RELN: variants seen among roughly 807,000 people sequenced by gnomAD.
RELN encodes reelin.
Under a neutral mutation model 427.6 loss-of-function variants are expected in RELN, and 108 were observed. That is an observed-to-expected ratio of 0.25 (90% CI 0.22 to 0.30). The LOEUF (loss-of-function observed/expected upper bound fraction) is 0.30, where lower values mean the gene tolerates loss of function less well. RELN is among the 10% of genes least tolerant of loss of function. RELN has a pLI of 1.00. For synonymous variants in RELN, 1,524 were observed against 1,513.4 expected, an observed-to-expected ratio of 1.01 and a Z score of -0.16; for missense variants, 3,715 against 4,302.8, an observed-to-expected ratio of 0.86 and a Z score of 3.82.
rs1338247113 is a variant in RELN, at chr7:103,661,359, T to G, written c.1441+17A>C. The G allele has an allele frequency of 6.2e-7, 1 of 1,613,460 alleles. No homozygotes were observed. Among genetic ancestry groups the G allele is most frequent in the Non-Finnish European group, 8.5e-7 (1 of 1,179,600 alleles). ...GATTTGCCCCACGGTGAACAAAGTT[T>G]GTGAAAATGTACTTACCCATCACAA... On this transcript the variant is annotated intron_variant, in intron 12 of 64. Transcript: ENST00000428762.
intron 4 of RELN, among the ~76,000 whole-genome samples, chr7:103,775,502 A>G (rs1301710566): frequency 3.3e-5 from 5 of 152,122 alleles, no homozygotes; most frequent in Non-Finnish European, 5.9e-5. Flanking sequence ...AACCGATATA[A>G]TTTTTCCTCA....
intron 2 of RELN, among the ~76,000 whole-genome samples, chr7:103,906,520 C>G (rs1007008651): frequency 7.7e-6 from 1 of 130,268 alleles, no homozygotes; most frequent in African/African-American, 2.8e-5. Flanking sequence ...TCCGGTACCT[C>G]AGGCAGCATT....
chr7:103,854,995 G>A (rs141585322), intron 2 of RELN, among the ~76,000 whole-genome samples: 310 of 152,280 alleles, frequency 2.0e-3, no homozygotes, highest in African/African-American at 6.8e-3. Context: ...TTAAGAGGGA[G>A]AATTAATGTA....
At chr7:103,601,849 G>A (rs1251390788) in intron 24 of RELN, among the ~76,000 whole-genome samples, 1 of 152,126 alleles carries the variant, frequency 6.6e-6, no homozygotes, top group East Asian at 1.9e-4. Context: ...ATTCTGGTTG[G>A]CACCTCAGTC....
At chr7:103,515,530 A>T (rs2528863) in intron 49 of RELN, 89 bp from the exon 50 acceptor site, 2 of 1,529,264 alleles carry the variant, frequency 1.3e-6, no homozygotes, top group African/African-American at 2.7e-5. Context: ...CCATAAGATA[A>T]TGTATGTCAC....
chr7:103,598,047 C>G (rs3025957), intron 24 of RELN, among the ~76,000 whole-genome samples: 183 of 152,272 alleles, frequency 1.2e-3, no homozygotes, highest in African/African-American at 4.3e-3. Context: ...AAAAATGGCT[C>G]TCACACTTAG....
intron 2 of RELN, among the ~76,000 whole-genome samples, chr7:103,893,466 T>G (rs1794892704): frequency 6.6e-6 from 1 of 152,226 alleles, no homozygotes. Context: ...TGTTTATCAT[T>G]CCAATGTTTC....
intron 3 of RELN, among the ~76,000 whole-genome samples, chr7:103,811,681 G>A (rs908793229): frequency 2.0e-5 from 3 of 152,154 alleles, no homozygotes; most frequent in African/African-American, 7.2e-5. Context: ...GTAAAGAAAT[G>A]CCTCTAGTAC....
At chr7:103,642,893 C>T (rs1192041663) in intron 16 of RELN, among the ~76,000 whole-genome samples, 3 of 152,072 alleles carry the variant, frequency 2.0e-5, no homozygotes, top group Non-Finnish European at 2.9e-5. Flanking sequence ...ACTTAAAATG[C>T]TACGCAAAAT....
chr7:103,915,867 T>C (rs1487817783), intron 2 of RELN, among the ~76,000 whole-genome samples: 1 of 152,220 alleles, frequency 6.6e-6, no homozygotes, highest in Non-Finnish European at 1.5e-5. Context: ...TATGTACTTA[T>C]ATACATATGA....
Position 103,988,617 on chromosome 7 carries a change from C to G in RELN, c.226+514G>C, listed in dbSNP as rs1217678468. ...TGAATGAAATGCCAGGGACTCCTGG[C>G]TGGTGAGCAGCGGGAACTTTGCGGT... On this transcript the variant is annotated intron_variant, in intron 1 of 64. Coordinates refer to ENST00000428762, the MANE Select transcript of RELN (RefSeq NM_005045.4). This position sits in a 1 kb window ranked among gnomAD's most constrained non-coding sequence, Gnocchi z 4.9. 6.6e-6 allele frequency among the ~76,000 whole-genome samples: 1 copy of G among 152,208 alleles called. No individual in the cohort carries two copies. The highest frequency in any genetic ancestry group is 2.4e-5 in the African/African-American group (1 of 41,458).
intron 46 of RELN, among the ~76,000 whole-genome samples, chr7:103,534,167 T>C (rs995195532): frequency 4.9e-4 from 75 of 152,384 alleles, no homozygotes; most frequent in African/African-American, 1.8e-3. Flanking sequence ...ATTTATTCAT[T>C]CTTCATTTGT....
chr7:103,929,663 CT>C (rs1795818417), intron 1 of RELN, among the ~76,000 whole-genome samples: 1 of 152,184 alleles, frequency 6.6e-6, no homozygotes, highest in South Asian at 2.1e-4. Context: ...CATATTTTCT[CT>C]ATAAGGCACA....
rs4997123 is a variant in RELN, at chr7:103,518,350, A to T, written c.7862+973T>A. On this transcript the variant is annotated intron_variant, in intron 49 of 64. Coordinates refer to ENST00000428762, the MANE Select transcript of RELN (RefSeq NM_005045.4). The stretch of plus-strand genomic sequence containing the variant: ...TCCTTTTTTTTTTTTTTTTTTTTTT[A>T]AAGATGCGGTCTTACTCTGTCACCC... 3.4e-3 allele frequency among the ~76,000 whole-genome samples: 122 copies of T among 35,732 alleles called. 3 individuals carry two copies. The highest frequency in any genetic ancestry group is 5.1e-3 in the African/African-American group (16 of 3,136). The allele number at this position is 35,732 out of a possible 152,430, so 23.4% of individuals were successfully genotyped here.
At chr7:103,658,916 A>C (rs1833079215) in intron 12 of RELN, among the ~76,000 whole-genome samples, 1 of 149,616 alleles carries the variant, frequency 6.7e-6, no homozygotes, top group African/African-American at 2.5e-5. Context: ...CCTTCCACCC[A>C]CCTCTGTTTA....
intron 4 of RELN, among the ~76,000 whole-genome samples, chr7:103,776,043 C>A (rs1563006595): frequency 6.6e-6 from 1 of 152,214 alleles, no homozygotes; most frequent in African/African-American, 2.4e-5. Flanking sequence ...CATGTGCATG[C>A]ATCCCGGTCA....
intron 2 of RELN, among the ~76,000 whole-genome samples, chr7:103,909,555 T>A (rs1040610183): frequency 4.2e-4 from 61 of 144,034 alleles, no homozygotes; most frequent in African/African-American, 1.5e-3. Context: ...TGTAGTGAGC[T>A]CAGATTGCGC....
intron 10 of RELN, among the ~76,000 whole-genome samples, chr7:103,688,944 T>C (rs962755705): frequency 1.3e-5 from 2 of 152,082 alleles, no homozygotes; most frequent in African/African-American, 2.4e-5. Context: ...TATTTATCAA[T>C]AGTAAAGGTA....
At chr7:103,546,379 A>G (rs1331341489) in intron 41 of RELN, among the ~76,000 whole-genome samples, 2 of 152,218 alleles carry the variant, frequency 1.3e-5, no homozygotes, top group Admixed American at 1.3e-4. Flanking sequence ...TGGATATACT[A>G]GCTTTGTTTA....
Sources: gnomAD v4.1 joint callset for allele counts (sites outside exome capture counted in the v4.1 genomes callset) on GRCh38, gnomAD v4.1.1 for gene constraint, Gnocchi (gnomAD v3.1) non-coding constraint, MANE v1.5 for transcripts, NCBI Gene and HGNC (gene_info 2026-07-23, HGNC 2026-07-21) for gene names.